HCN1: variants seen among roughly 807,000 people sequenced by gnomAD.
The protein encoded by HCN1 is hyperpolarization activated cyclic nucleotide gated potassium channel 1.
In HCN1, 13 loss-of-function variants were observed where a neutral mutation model predicts 78.9. The observed-to-expected ratio is 0.16, with a 90% CI of 0.11 to 0.26. HCN1 has a LOEUF of 0.26. Among genes scored for constraint, HCN1 ranks in the 10% least tolerant of loss-of-function variants. HCN1 has a pLI of 1.00. For synonymous variants in HCN1, 552 were observed against 455.5 expected, an observed-to-expected ratio of 1.21 and a Z score of -2.70; for missense variants, 810 against 1,154.3, an observed-to-expected ratio of 0.70 and a Z score of 4.32.
At chr5:45,443,793 G>T (rs1740730475) in intron 3 of HCN1, among the ~76,000 whole-genome samples, 1 of 151,956 alleles carries the variant, frequency 6.6e-6, no homozygotes. Context: ...ATTTAATCTA[G>T]AAGGCTATTT....
At chr5:45,677,624 G>A (rs895927651) in intron 1 of HCN1, among the ~76,000 whole-genome samples, 12 of 151,698 alleles carry the variant, frequency 7.9e-5, no homozygotes, top group Admixed American at 6.6e-5. Context: ...GTTCTGTTTT[G>A]TTTATTTCTT....
chr5:45,633,444 C>G (rs765767338), intron 2 of HCN1, among the ~76,000 whole-genome samples: 2 of 151,876 alleles, frequency 1.3e-5, no homozygotes, highest in South Asian at 4.1e-4. Context: ...CTCTTAGAAG[C>G]CTTTCTAAAT....
chr5:45,424,941 G>C (rs1385654640), intron 3 of HCN1, among the ~76,000 whole-genome samples: 1 of 152,090 alleles, frequency 6.6e-6, no homozygotes, highest in African/African-American at 2.4e-5. Flanking sequence ...AATTATAATA[G>C]ATGTTTTCAA....
chr5:45,412,952 T>C (rs905836788), intron 3 of HCN1, among the ~76,000 whole-genome samples: 1 of 152,046 alleles, frequency 6.6e-6, no homozygotes, highest in Non-Finnish European at 1.5e-5. Flanking sequence ...TGCAGAAAGA[T>C]TGCTATTAGT....
intron 2 of HCN1, among the ~76,000 whole-genome samples, chr5:45,593,760 C>T (rs909435458): frequency 1.3e-5 from 2 of 151,802 alleles, no homozygotes; most frequent in Non-Finnish European, 2.9e-5. Context: ...CTGCAACTTC[C>T]ACCTCCCCGG....
intron 2 of HCN1, among the ~76,000 whole-genome samples, chr5:45,519,825 T>C (rs1304932341): frequency 6.6e-6 from 1 of 151,900 alleles, no homozygotes; most frequent in Non-Finnish European, 1.5e-5. Context: ...TTTTTTACCA[T>C]TTTAGCTCTT....
intron 3 of HCN1, among the ~76,000 whole-genome samples, chr5:45,431,936 T>G (rs1740471993): frequency 6.6e-6 from 1 of 152,250 alleles, no homozygotes; most frequent in African/African-American, 2.4e-5. Flanking sequence ...TGATTTCATA[T>G]GAATTTTAAA....
chr5:45,522,370 T>C (rs903380363), intron 2 of HCN1, among the ~76,000 whole-genome samples: 16 of 152,018 alleles, frequency 1.1e-4, no homozygotes, highest in African/African-American at 3.9e-4. Flanking sequence ...TAGTGTCAGA[T>C]TTACTGATTT....
intron 2 of HCN1, among the ~76,000 whole-genome samples, chr5:45,563,783 A>T (rs1037903221): frequency 2.0e-5 from 3 of 152,216 alleles, no homozygotes; most frequent in African/African-American, 7.2e-5. Flanking sequence ...AAGGTGCCTT[A>T]CAAACATTTT....
chr5:45,355,080 TTG>T (rs1283455962), intron 4 of HCN1, among the ~76,000 whole-genome samples: 1 of 152,026 alleles, frequency 6.6e-6, no homozygotes, highest in African/African-American at 2.4e-5. Context: ...TTGAATCTAA[TTG>T]TTTTTCCTCA....
chr5:45,339,064 C>A (rs1746521519), intron 5 of HCN1, among the ~76,000 whole-genome samples: 1 of 152,146 alleles, frequency 6.6e-6, no homozygotes, highest in South Asian at 2.1e-4. Flanking sequence ...ACTGGCTGAG[C>A]ATTTCATGCT....
At chr5:45,589,555 A>G (rs1486478737) in intron 2 of HCN1, among the ~76,000 whole-genome samples, 1 of 152,208 alleles carries the variant, frequency 6.6e-6, no homozygotes, top group East Asian at 1.9e-4. Context: ...TTGGTTGATT[A>G]TGAACAAAAT....
chr5:45,314,857 G>T (rs1745944231), intron 5 of HCN1, among the ~76,000 whole-genome samples: 1 of 152,144 alleles, frequency 6.6e-6, no homozygotes, highest in Non-Finnish European at 1.5e-5. Flanking sequence ...TCAACAAGAA[G>T]AGCTAACTAT....
chr5:45,542,621 G>A (rs1579958789), intron 2 of HCN1, among the ~76,000 whole-genome samples: 1 of 152,090 alleles, frequency 6.6e-6, no homozygotes, highest in South Asian at 2.1e-4. Context: ...AAGGACAAAT[G>A]CCCTCTAATA....
intron 2 of HCN1, chr5:45,574,762 T>C (rs1743904239): frequency 6.6e-6 from 1 of 152,166 alleles, no homozygotes; most frequent in Non-Finnish European, 1.5e-5. Flanking sequence ...GCTACTTCAG[T>C]GAACACAGGA....
chr5:45,637,735 A>T (rs1237475719), intron 2 of HCN1, among the ~76,000 whole-genome samples: 3 of 152,114 alleles, frequency 2.0e-5, no homozygotes. Context: ...GAAACATAGG[A>T]TTTGAAATGT....
chr5:45,284,508 G>C (rs1745230105), intron 6 of HCN1, among the ~76,000 whole-genome samples: 1 of 152,110 alleles, frequency 6.6e-6, no homozygotes, highest in African/African-American at 2.4e-5. Flanking sequence ...ACTCCAAGGA[G>C]ACTTAGCATC....
At chr5:45,522,646 G>A (rs1408221546) in intron 2 of HCN1, among the ~76,000 whole-genome samples, 1 of 141,812 alleles carries the variant, frequency 7.1e-6, no homozygotes, top group Non-Finnish European at 1.5e-5. Context: ...CTGAAAAATA[G>A]CTTTTATTTT....
At chr5:45,550,219 T>A (rs1743336411) in intron 2 of HCN1, among the ~76,000 whole-genome samples, 1 of 152,188 alleles carries the variant, frequency 6.6e-6, no homozygotes. Flanking sequence ...GCGGCACTAT[T>A]CACAATAGCA....
Sources: gnomAD v4.1 joint callset for allele counts (sites outside exome capture counted in the v4.1 genomes callset) on GRCh38, gnomAD v4.1.1 for gene constraint, MANE v1.5 for transcripts, NCBI Gene and HGNC (gene_info 2026-07-23, HGNC 2026-07-21) for gene names.